The following ERN1 variants were observed in gnomAD, a reference collection of about 807,000 sequenced individuals.
The protein encoded by ERN1 is serine/threonine-protein kinase/endoribonuclease IRE1.
Under a neutral mutation model 113.1 loss-of-function variants are expected in ERN1, and 39 were observed. The observed-to-expected ratio is 0.34, with a 90% CI of 0.27 to 0.45. The LOEUF (loss-of-function observed/expected upper bound fraction) is 0.45. Among genes scored for constraint, ERN1 ranks in the 20% least tolerant of loss-of-function variants. The pLI, the probability that ERN1 is intolerant of heterozygous loss-of-function variation, is 1.00. For missense variants in ERN1, 976 were observed against 1,274.8 expected (o/e 0.77, Z 3.57); for synonymous variants, 507 against 515.9 (o/e 0.98, Z 0.23).
At chr17:64,085,626 A>T (rs1187587896) in intron 2 of ERN1, among the ~76,000 whole-genome samples, 1 of 152,168 alleles carries the variant, frequency 6.6e-6, no homozygotes, top group Non-Finnish European at 1.5e-5. Context: ...GCCAGCCTGG[A>T]AATCCATTGT....
rs1199489452 is a variant in ERN1 at position 64,113,871 on chromosome 17, TG to T, written c.55-15631del. ...CTAATTTTTGTATTTTCAGTAGAGA[TG>T]GGGGTTTCACCATCTTGGCCAGGCT... On this transcript the variant is annotated intron_variant, in intron 1 of 21. Coordinates refer to ENST00000433197, the MANE Select transcript of ERN1 (RefSeq NM_001433.5). Among the ~76,000 whole-genome samples, 7 of 151,798 alleles carry T rather than the reference TG, an allele frequency of 4.6e-5. No homozygotes were observed. In the East Asian group the frequency reaches 1.2e-3, roughly 25 times the overall value.
At chr17:64,111,334 G>A (rs976524752) in intron 1 of ERN1, among the ~76,000 whole-genome samples, 3 of 150,980 alleles carry the variant, frequency 2.0e-5, no homozygotes, top group African/African-American at 4.9e-5. Context: ...TCAGGCTTCC[G>A]CCTAGCCTGG....
chr17:64,071,450 T>C (rs1337279154), intron 6 of ERN1, among the ~76,000 whole-genome samples: 1 of 152,078 alleles, frequency 6.6e-6, no homozygotes, highest in Non-Finnish European at 1.5e-5. Context: ...GATGGAGTTT[T>C]ACTCTTGTTG....
chr17:64,039,836 C>T lies in ERN1; in HGVS notation c.*4152G>A, dbSNP rs1217070676. ...ACAGGGGAGGTGGGGGGGCTTTGGCCAAAGTGTTGGTTAAGGCTGCTCCAG... is the reference window on the plus strand; with the variant it reads ...ACAGGGGAGGTGGGGGGGCTTTGGCTAAAGTGTTGGTTAAGGCTGCTCCAG... On this transcript the variant is annotated 3_prime_UTR_variant, in exon 22 of 22. Coordinates refer to ENST00000433197, the MANE Select transcript of ERN1 (RefSeq NM_001433.5). The T allele has an allele frequency of 6.6e-6, 1 of 152,140 alleles. No individual in the cohort carries two copies. Among genetic ancestry groups the T allele is most frequent in the Non-Finnish European group, 1.5e-5 (1 of 68,054 alleles). The allele number at this position is 152,140 out of a possible 1,614,324, so 9.4% of individuals were successfully genotyped here.
intron 5 of ERN1, 67 bp from the exon 6 acceptor site, chr17:64,072,170 A>G: frequency 6.4e-7 from 1 of 1,566,468 alleles, no homozygotes; most frequent in African/African-American, 1.3e-5. Flanking sequence ...CCAAACTAGC[A>G]GCCAAGATGC....
In ERN1 at chr17:64,130,057, G is replaced by A. The variant is rs1915199314; in HGVS notation, c.-28C>T. The stretch of plus-strand genomic sequence containing the variant: ...CGAGGACTCGGCCCTGGCTCCGGGG[G>A]CGGTACGGACAGAGGACGGGGCGGG... On this transcript the variant is annotated 5_prime_UTR_variant, in exon 1 of 22. Transcript: ENST00000433197. The surrounding 1 kb of genome is among the most constrained non-coding windows in gnomAD (Gnocchi z 4.0). 2.2e-6 allele frequency: 3 copies of A among 1,385,756 alleles called. No individual in the cohort carries two copies. Among genetic ancestry groups the A allele is most frequent in the Middle Eastern group, 2.3e-4 (1 of 4,422 alleles). The allele number at this position is 1,385,756 out of a possible 1,614,324, so 85.8% of individuals were successfully genotyped here.
rs773655917 is a variant in ERN1 at position 64,086,637 on chromosome 17, C to CTTTTTTTTTTTTTTTTTT, written c.176-5847_176-5830dup. Among the ~76,000 whole-genome samples, 2 of 47,600 alleles carry CTTTTTTTTTTTTTTTTTT rather than the reference C, an allele frequency of 4.2e-5. 1 individual carries two copies. The allele number at this position is 47,600 out of a possible 152,430, so 31.2% of individuals were successfully genotyped here. On this transcript the variant is annotated intron_variant, in intron 2 of 21. Transcript: ENST00000433197. ...CATTTCTTTTTTTTTCTTTTCTTTC[C>CTTTTTTTTTTTTTTTTTT]TTTTTTTTTTTTTTTTTTTTTTTTT... is the stretch of plus-strand genomic sequence containing the variant.
At chr17:64,078,189 T>C (rs563059362) in intron 4 of ERN1, among the ~76,000 whole-genome samples, 9 of 152,348 alleles carry the variant, frequency 5.9e-5, no homozygotes, top group Admixed American at 1.3e-4. Flanking sequence ...ATCACCAACA[T>C]GTTTTCTTTT....
Position 64,045,455 on chromosome 17 carries a change from A to T in ERN1, c.2557T>A (p.Ser853Thr). The T allele has an allele frequency of 6.2e-7, 1 of 1,613,894 alleles. No homozygotes were observed. Among genetic ancestry groups the T allele is most frequent in the South Asian group, 1.1e-5 (1 of 91,080 alleles). The change falls in exon 20 of 22, where the codon TCC becomes ACC. Residue 853 changes from serine (S) to threonine (T), a missense_variant. Transcript: ENST00000433197. ...QDVSDRIEKE[S>T]LDGPIVKQLE... is the part of the protein sequence containing the mutation. Reference sequence around the variant, plus strand: ...TGCTTCACGATCGGGCCATCCAGGGATTCCTTTTCTATTCTGTCGCTCACG... The same window carrying T: ...TGCTTCACGATCGGGCCATCCAGGGTTTCCTTTTCTATTCTGTCGCTCACG...
In ERN1 at chr17:64,056,079, C is replaced by T. The variant is rs1355534420; in HGVS notation, c.1399-131G>A. 1.2e-5 allele frequency: 16 copies of T among 1,382,114 alleles called. No individual in the cohort carries two copies. The East Asian group carries it at 4.1e-4, about 36-fold the overall frequency. 85.6% of individuals were successfully genotyped at this position (1,382,114 alleles called of 1,614,324 possible). A position where few individuals can be genotyped will look rare whatever the true frequency, so the allele number is the denominator to read the frequency against. On this transcript the variant is annotated intron_variant, in intron 12 of 21. Transcript: ENST00000433197. ...GTGACCCAACAGGGCACAAAGAGAC[C>T]AGTGAGAAGGCACCTGGAAGCAGAA...
Position 64,060,590 on chromosome 17 carries a change from A to G in ERN1, c.1088-3T>C. On this transcript the variant is annotated splice_region_variant and splice_polypyrimidine_tract_variant and intron_variant, in intron 10 of 21. Transcript: ENST00000433197. ...AGACAGTGGGGTTTCATGGTGTCCT[A>G]TGACAGGAAACAAAACCTTTAGTGA... is the stretch of plus-strand genomic sequence containing the variant. The G allele has an allele frequency of 6.2e-7, 1 of 1,603,592 alleles. No homozygotes were observed. Among genetic ancestry groups the G allele is most frequent in the Non-Finnish European group, 8.5e-7 (1 of 1,170,340 alleles).
At chr17:64,103,981 G>A (rs1202101832) in intron 1 of ERN1, among the ~76,000 whole-genome samples, 1 of 151,960 alleles carries the variant, frequency 6.6e-6, no homozygotes, top group Non-Finnish European at 1.5e-5. Flanking sequence ...ACTCACGCCT[G>A]TAATTCCAAT....
In ERN1 at chr17:64,044,875, T is replaced by C; in HGVS notation, c.2706A>G (p.Arg902=). The C allele has an allele frequency of 6.3e-7, 1 of 1,588,620 alleles. No homozygotes were observed. The highest frequency in any genetic ancestry group is 8.6e-7 in the Non-Finnish European group (1 of 1,166,558). Residue 902 remains arginine (R), a synonymous_variant, in exon 21 of 22, where the codon CGA becomes CGG. Transcript: ENST00000433197. This position sits in a 1 kb window ranked among gnomAD's most constrained non-coding sequence, Gnocchi z 4.1. ...AACTGCTTACCTTATTTCTCATGGC[T>C]CGGAGGAGATCTCTGACAGAACCAC... The part of the protein sequence containing the change: ...YKGGSVRDLL[R]AMRNKKHHYR...
chr17:64,097,932 A>T, intron 2 of ERN1, 189 bp downstream of exon 2: 2 of 662,808 alleles, frequency 3.0e-6, no homozygotes, highest in Non-Finnish European at 5.0e-6. Context: ...TGATGCACTT[A>T]GTGGATAACC....
chr17:64,066,727 G>A lies in ERN1; in HGVS notation c.786C>T (p.Arg262=). Residue 262 remains arginine (R), a synonymous_variant, in exon 8 of 22, where the codon CGC becomes CGT. Coordinates refer to ENST00000433197, the MANE Select transcript of ERN1 (RefSeq NM_001433.5). ...GGAACGGGTACTTCCACTTTGTGAT[G>A]CGCCCCACCTCCCCAGACATGAAGG... The part of the protein sequence containing the change: ...YLTFMSGEVG[R]ITKWKYPFPK... 1 of 1,613,912 alleles carries A rather than the reference G, an allele frequency of 6.2e-7. No homozygotes were observed. Among genetic ancestry groups the A allele is most frequent in the Non-Finnish European group, 8.5e-7 (1 of 1,179,872 alleles).
At chr17:64,102,080 G>A (rs943101410) in intron 1 of ERN1, among the ~76,000 whole-genome samples, 2 of 152,052 alleles carry the variant, frequency 1.3e-5, no homozygotes, top group Admixed American at 6.5e-5. Flanking sequence ...AGAAGTTTGA[G>A]ACCAGCCTAG....
intron 1 of ERN1, among the ~76,000 whole-genome samples, chr17:64,128,055 A>T (rs1915127114): frequency 6.6e-6 from 1 of 151,544 alleles, no homozygotes; most frequent in African/African-American, 2.4e-5. Flanking sequence ...AGGCTGGAGC[A>T]CAGTGACTCC....
At chr17:64,129,875 GC>G in intron 1 of ERN1, 100 bp downstream of exon 1, 1 of 1,137,416 alleles carries the variant, frequency 8.8e-7, no homozygotes, top group African/African-American at 1.6e-5. Flanking sequence ...CGCCGCCGTC[GC>G]GCTCCCAGCT....
chr17:64,056,090 C>G (rs1463973081), intron 12 of ERN1, 142 bp from the exon 13 acceptor site: 1 of 1,323,086 alleles, frequency 7.6e-7, no homozygotes, highest in Non-Finnish European at 1.0e-6. Context: ...AGTGAGAAGG[C>G]ACCTGGAAGC....
Sources: gnomAD v4.1 joint callset for allele counts (sites outside exome capture counted in the v4.1 genomes callset) on GRCh38, gnomAD v4.1.1 for gene constraint, Gnocchi (gnomAD v3.1) non-coding constraint, MANE v1.5 for transcripts, NCBI Gene and HGNC (gene_info 2026-07-23, HGNC 2026-07-21) for gene names.